Variants in PRKG1 observed in about 807,000 individuals in gnomAD.
PRKG1 encodes protein kinase cGMP-dependent 1.
PRKG1 carries 35 observed loss-of-function variants against 88.1 expected under a neutral mutation model. The observed-to-expected ratio is 0.40, with a 90% confidence interval of 0.30 to 0.53. PRKG1 has a LOEUF of 0.53. Among genes scored for constraint, PRKG1 ranks in the 20% least tolerant of loss-of-function variants. The pLI is 0.59. For synonymous variants in PRKG1, 303 were observed against 292.5 expected, an observed-to-expected ratio of 1.04 and a Z score of -0.37; for missense variants, 540 against 839.8, an observed-to-expected ratio of 0.64 and a Z score of 4.41.
intron 3 of PRKG1, among the ~76,000 whole-genome samples, chr10:51,690,740 A>G (rs1841115343): frequency 1.3e-5 from 2 of 152,034 alleles, no homozygotes; most frequent in South Asian, 4.1e-4. Context: ...ATCCTGGCCA[A>G]TATGGTGAAA....
At chr10:51,389,431 G>A (rs2132644145) in intron 2 of PRKG1, among the ~76,000 whole-genome samples, 1 of 152,220 alleles carries the variant, frequency 6.6e-6, no homozygotes, top group Middle Eastern at 3.4e-3. Flanking sequence ...ACTCCTCACA[G>A]TACTAGAATT....
At chr10:51,915,961 T>C (rs2132966640) in intron 5 of PRKG1, among the ~76,000 whole-genome samples, 1 of 152,270 alleles carries the variant, frequency 6.6e-6, no homozygotes, top group South Asian at 2.1e-4. Context: ...TAACAAGTAT[T>C]GGCAAGGATA....
At chr10:51,594,798 G>T (rs886352414) in intron 3 of PRKG1, among the ~76,000 whole-genome samples, 1 of 152,146 alleles carries the variant, frequency 6.6e-6, no homozygotes, top group Non-Finnish European at 1.5e-5. Flanking sequence ...ATAAAATGGG[G>T]CATTATTTGA....
At chr10:52,111,017 AT>A (rs1431216621) in intron 7 of PRKG1, among the ~76,000 whole-genome samples, 1 of 152,234 alleles carries the variant, frequency 6.6e-6, no homozygotes, top group Non-Finnish European at 1.5e-5. Context: ...CATTTAGATT[AT>A]CTCATTGAAT....
intron 3 of PRKG1, among the ~76,000 whole-genome samples, chr10:51,483,981 A>T (rs572130963): frequency 6.6e-6 from 1 of 152,292 alleles, no homozygotes; most frequent in Admixed American, 6.5e-5. Context: ...GACACGTGAA[A>T]GTGGAGGAGG....
chr10:51,907,815 T>C lies in PRKG1; in HGVS notation c.762+245T>C, dbSNP rs188027697. The C allele has an allele frequency of 6.7e-3, 2,670 of 397,216 alleles. 15 individuals carry two copies. Among genetic ancestry groups the C allele is most frequent in the Middle Eastern group, 0.017 (25 of 1,512 alleles). The allele number at this position is 397,216 out of a possible 1,614,324, so 24.6% of individuals were successfully genotyped here. A position where few individuals can be genotyped will look rare whatever the true frequency, so the allele number is the denominator to read the frequency against. ...AAACTTTTTGTTGTGATAAATACCA[T>C]GTTACTTTGACTTACTAGAATAGGA... On this transcript the variant is annotated intron_variant, in intron 5 of 17. Coordinates refer to ENST00000373980, the MANE Select transcript of PRKG1 (RefSeq NM_006258.4).
intron 9 of PRKG1, among the ~76,000 whole-genome samples, chr10:52,247,068 T>G (rs1371598949): frequency 2.0e-5 from 3 of 152,112 alleles, no homozygotes; most frequent in Non-Finnish European, 4.4e-5. Flanking sequence ...TAACCTACTT[T>G]ATGGCTTTAT....
At chr10:51,491,947 T>G (rs930904113) in intron 3 of PRKG1, among the ~76,000 whole-genome samples, 22 of 152,158 alleles carry the variant, frequency 1.4e-4, no homozygotes, top group Non-Finnish European at 3.1e-4. Context: ...CCATGAATAC[T>G]GAGTGAAAGC....
At chr10:51,127,161 C>G (rs1000074124) in intron 1 of PRKG1, among the ~76,000 whole-genome samples, 1 of 152,070 alleles carries the variant, frequency 6.6e-6, no homozygotes, top group Admixed American at 6.6e-5. Flanking sequence ...AAATTATCAT[C>G]AGGGTGAACA....
intron 7 of PRKG1, among the ~76,000 whole-genome samples, chr10:52,085,436 G>T (rs1219300010): frequency 6.6e-6 from 1 of 151,946 alleles, no homozygotes; most frequent in Non-Finnish European, 1.5e-5. Flanking sequence ...GATTACTATT[G>T]TGTTCAATGG....
chr10:51,692,293 A>T (rs1407214716), intron 3 of PRKG1, among the ~76,000 whole-genome samples: 1 of 151,482 alleles, frequency 6.6e-6, no homozygotes, highest in Non-Finnish European at 1.5e-5. Flanking sequence ...CCCAGGCTGG[A>T]GTGCAGTGGC....
chr10:51,850,267 C>T (rs1771196679), intron 4 of PRKG1, among the ~76,000 whole-genome samples: 1 of 152,164 alleles, frequency 6.6e-6, no homozygotes, highest in African/African-American at 2.4e-5. Flanking sequence ...AACTCTGCAT[C>T]CCGGGTTCAA....
chr10:51,863,036 C>G (rs75497471), intron 4 of PRKG1, among the ~76,000 whole-genome samples: 13,455 of 152,126 alleles, frequency 0.088, 738 homozygotes, highest in African/African-American at 0.14. Context: ...CTCATATCCT[C>G]TTTTCTCTTT....
intron 1 of PRKG1, among the ~76,000 whole-genome samples, chr10:51,058,327 T>A (rs921277672): frequency 3.9e-5 from 6 of 152,156 alleles, no homozygotes; most frequent in Non-Finnish European, 8.8e-5. Flanking sequence ...ATGCCTTTTT[T>A]ATTTTTTCAA....
intron 9 of PRKG1, among the ~76,000 whole-genome samples, chr10:52,215,856 A>G (rs1012783399): frequency 2.0e-5 from 3 of 152,228 alleles, no homozygotes; most frequent in African/African-American, 7.2e-5. Context: ...ATCTAATTGA[A>G]TATCTTAAGC....
intron 2 of PRKG1, among the ~76,000 whole-genome samples, chr10:51,172,668 C>G (rs61849738): frequency 4.7e-4 from 26 of 55,900 alleles, no homozygotes; most frequent in Middle Eastern, 9.3e-3. Flanking sequence ...ATCTATCTAT[C>G]TATCTATCTA....
At chr10:51,239,379 A>G (rs1839090789) in intron 2 of PRKG1, among the ~76,000 whole-genome samples, 1 of 152,248 alleles carries the variant, frequency 6.6e-6, no homozygotes, top group Non-Finnish European at 1.5e-5. Context: ...TATCACACTA[A>G]CAAGTGTATA....
At chr10:51,895,096 C>T (rs1342623930) in intron 4 of PRKG1, among the ~76,000 whole-genome samples, 1 of 152,114 alleles carries the variant, frequency 6.6e-6, no homozygotes, top group African/African-American at 2.4e-5. Flanking sequence ...TATTTGCTGC[C>T]ACATTAAATT....
chr10:51,881,177 AG>A (rs756735862), intron 4 of PRKG1, among the ~76,000 whole-genome samples: 38 of 151,912 alleles, frequency 2.5e-4, no homozygotes, highest in Admixed American at 2.0e-4. Flanking sequence ...CATGAAGGGG[AG>A]AGGGCTGAAA....
Sources: allele counts gnomAD v4.1 joint callset (sites outside exome capture counted in the v4.1 genomes callset), GRCh38; gene constraint gnomAD v4.1.1; transcripts MANE v1.5; gene names NCBI Gene and HGNC (gene_info 2026-07-23, HGNC 2026-07-21).